Variants in CELF4 observed in about 807,000 individuals in gnomAD.
The protein encoded by CELF4 is CUG-BP- and ETR-3-like factor 4.
Under a neutral mutation model 59.9 loss-of-function variants are expected in CELF4, and 18 were observed. That is an observed-to-expected ratio of 0.30 (90% CI 0.21 to 0.45). The LOEUF (loss-of-function observed/expected upper bound fraction) is 0.45, where lower values mean the gene tolerates loss of function less well. Among genes scored for constraint, CELF4 ranks in the 20% least tolerant of loss-of-function variants. The probability of loss-of-function intolerance (pLI) is 1.00; values close to 1 mark genes in which losing one functional copy is unlikely to be tolerated. For synonymous variants in CELF4, 261 were observed against 267.1 expected, an observed-to-expected ratio of 0.98 and a Z score of 0.22; for missense variants, 456 against 689.0, an observed-to-expected ratio of 0.66 and a Z score of 3.79.
intron 3 of CELF4, among the ~76,000 whole-genome samples, chr18:37,298,639 C>T (rs148785341): frequency 0.014 from 2,192 of 151,516 alleles, 62 homozygotes; most frequent in African/African-American, 0.05. Context: ...GCAGGAGAAT[C>T]GCTTAAACCT....
chr18:37,283,418 G>T (rs1053894226), intron 3 of CELF4, among the ~76,000 whole-genome samples: 1 of 152,008 alleles, frequency 6.6e-6, no homozygotes, highest in African/African-American at 2.4e-5. Context: ...CATGTAAGGG[G>T]CTACACAGGC....
At chr18:37,375,166 T>C (rs532147230) in intron 2 of CELF4, among the ~76,000 whole-genome samples, 2 of 152,264 alleles carry the variant, frequency 1.3e-5, no homozygotes, top group South Asian at 4.1e-4. Flanking sequence ...TGCTCATGCG[T>C]CCTCCAAAAC....
At chr18:37,284,067 A>T (rs2094489625) in intron 3 of CELF4, among the ~76,000 whole-genome samples, 2 of 135,616 alleles carry the variant, frequency 1.5e-5, no homozygotes. Context: ...ATACCCCAAC[A>T]CATACATAGA....
At chr18:37,362,606 G>A (rs1012037935) in intron 2 of CELF4, among the ~76,000 whole-genome samples, 1 of 151,626 alleles carries the variant, frequency 6.6e-6, no homozygotes, top group Non-Finnish European at 1.5e-5. Context: ...GCAGCCTGGG[G>A]AGCAGGCTTG....
intron 2 of CELF4, among the ~76,000 whole-genome samples, chr18:37,349,260 A>G (rs1380691264): frequency 6.6e-6 from 1 of 152,218 alleles, no homozygotes; most frequent in Non-Finnish European, 1.5e-5. Context: ...AAGGATAGCC[A>G]CCAGGATGTC....
chr18:37,264,335 T>C (rs1275146645), intron 10 of CELF4, among the ~76,000 whole-genome samples: 6 of 152,216 alleles, frequency 3.9e-5, no homozygotes, highest in Admixed American at 3.9e-4. Flanking sequence ...ACCAAGGTTT[T>C]GATATGTGAG....
At chr18:37,395,781 C>T (rs1304563169) in intron 2 of CELF4, among the ~76,000 whole-genome samples, 1 of 152,192 alleles carries the variant, frequency 6.6e-6, no homozygotes, top group Non-Finnish European at 1.5e-5. Flanking sequence ...TTACCAGACC[C>T]AGTCCTGAGG....
intron 3 of CELF4, among the ~76,000 whole-genome samples, chr18:37,300,423 C>A (rs912687070): frequency 6.6e-6 from 1 of 152,122 alleles, no homozygotes; most frequent in Non-Finnish European, 1.5e-5. Context: ...CAGGGTTTCA[C>A]CACATTGGCC....
At chr18:37,483,508 C>T (rs775743260) in intron 2 of CELF4, among the ~76,000 whole-genome samples, 23 of 152,148 alleles carry the variant, frequency 1.5e-4, no homozygotes, top group Non-Finnish European at 2.9e-4. Context: ...TATCTATCTT[C>T]CCCCCTCCCC....
Position 37,379,507 on chromosome 18 carries a change from C to CAAAAAAA in CELF4, c.370-57633_370-57627dup, listed in dbSNP as rs56250210. Among the ~76,000 whole-genome samples, 406 of 45,318 alleles carry CAAAAAAA rather than the reference C, an allele frequency of 9.0e-3. 35 individuals are homozygous for CAAAAAAA. The highest frequency in any genetic ancestry group is 0.02 in the African/African-American group (208 of 10,554). The allele number at this position is 45,318 out of a possible 152,430, so 29.7% of individuals were successfully genotyped here. A position where few individuals can be genotyped will look rare whatever the true frequency, so the allele number is the denominator to read the frequency against. The stretch of plus-strand genomic sequence containing the variant: ...GGCATCACAAATAAGAGGCCATAAG[C>CAAAAAAA]AAAAAAAAAAAAAAAAAAAAAAAAA... On this transcript the variant is annotated intron_variant, in intron 2 of 12. Coordinates refer to ENST00000420428, the MANE Select transcript of CELF4 (RefSeq NM_020180.4).
intron 2 of CELF4, among the ~76,000 whole-genome samples, chr18:37,471,547 C>T (rs2099830918): frequency 6.6e-6 from 1 of 152,106 alleles, no homozygotes; most frequent in Non-Finnish European, 1.5e-5. Flanking sequence ...CTGGAGCCCC[C>T]TCCATCCACC....
chr18:37,399,532 C>A (rs1319716104), intron 2 of CELF4, among the ~76,000 whole-genome samples: 1 of 152,170 alleles, frequency 6.6e-6, no homozygotes, highest in East Asian at 1.9e-4. Context: ...ACGACAATCA[C>A]CAACACAATG....
chr18:37,347,429 C>G (rs747828847), intron 2 of CELF4, among the ~76,000 whole-genome samples: 3 of 152,136 alleles, frequency 2.0e-5, no homozygotes, highest in Admixed American at 2.0e-4. Flanking sequence ...GCCCATCCCC[C>G]ACCCCTACAC....
intron 1 of CELF4, among the ~76,000 whole-genome samples, chr18:37,546,998 A>G (rs893980357): frequency 2.0e-5 from 3 of 152,206 alleles, no homozygotes; most frequent in Non-Finnish European, 4.4e-5. Context: ...GACAGACTCA[A>G]CTTCCAAATG....
intron 2 of CELF4, among the ~76,000 whole-genome samples, chr18:37,355,991 A>G (rs1247745304): frequency 6.6e-6 from 1 of 152,144 alleles, no homozygotes; most frequent in East Asian, 1.9e-4. Context: ...TTCGTCAGCC[A>G]CAGGCACTCA....
chr18:37,360,104 C>T (rs528309980), intron 2 of CELF4, among the ~76,000 whole-genome samples: 11 of 152,266 alleles, frequency 7.2e-5, no homozygotes, highest in Non-Finnish European at 1.2e-4. Context: ...CCACCCGCCT[C>T]GGCCTCCCAA....
intron 5 of CELF4, 37 bp downstream of exon 5, chr18:37,274,768 G>T: frequency 6.5e-7 from 1 of 1,537,966 alleles, no homozygotes; most frequent in Non-Finnish European, 8.7e-7. Context: ...TCGGCCCGCC[G>T]CTGCCCTCGC....
chr18:37,357,598 A>G (rs561698490), intron 2 of CELF4, among the ~76,000 whole-genome samples: 216 of 152,306 alleles, frequency 1.4e-3, no homozygotes, highest in African/African-American at 4.1e-3. Flanking sequence ...AGCTGTGAGA[A>G]GAAGGCCACT....
intron 2 of CELF4, among the ~76,000 whole-genome samples, chr18:37,481,348 C>G (rs988512409): frequency 6.6e-6 from 1 of 152,196 alleles, no homozygotes; most frequent in Non-Finnish European, 1.5e-5. Context: ...CCTGCCAGCC[C>G]TGGTGAGAAG....
Sources: gnomAD v4.1 joint callset for allele counts (sites outside exome capture counted in the v4.1 genomes callset) on GRCh38, gnomAD v4.1.1 for gene constraint, MANE v1.5 for transcripts, NCBI Gene and HGNC (gene_info 2026-07-23, HGNC 2026-07-21) for gene names.